FOXP2: variants seen among roughly 807,000 people sequenced by gnomAD.
The protein encoded by FOXP2 is forkhead box protein P2.
A neutral mutation model predicts 115.8 loss-of-function variants in FOXP2; 12 were observed. That is an observed-to-expected ratio of 0.10 (90% CI 0.07 to 0.17). FOXP2 has a LOEUF of 0.17. Among genes scored for constraint, FOXP2 ranks in the 10% least tolerant of loss-of-function variants. The pLI is 1.00. For synonymous variants in FOXP2, 328 were observed against 297.7 expected, an observed-to-expected ratio of 1.10 and a Z score of -1.05; for missense variants, 629 against 843.5, an observed-to-expected ratio of 0.75 and a Z score of 3.15.
At chr7:114,550,839 C>T (rs1173829037) in intron 3 of FOXP2, among the ~76,000 whole-genome samples, 1 of 152,028 alleles carries the variant, frequency 6.6e-6, no homozygotes, top group Non-Finnish European at 1.5e-5. Flanking sequence ...AACATCTGTT[C>T]TAAGAATAAT....
At chr7:114,657,292 A>T (rs1324578215) in intron 10 of FOXP2, among the ~76,000 whole-genome samples, 11 of 152,044 alleles carry the variant, frequency 7.2e-5, no homozygotes, top group Non-Finnish European at 1.5e-5. Flanking sequence ...TCTTTTTTCT[A>T]CCCTGACACC....
At chr7:114,682,395 T>G (rs1035166836) in intron 16 of FOXP2, among the ~76,000 whole-genome samples, 9 of 152,156 alleles carry the variant, frequency 5.9e-5, no homozygotes, top group Non-Finnish European at 1.2e-4. Context: ...TAAAAACCTG[T>G]AGATAATTCT....
At chr7:114,202,547 T>C (rs917290264) in intron 1 of FOXP2, among the ~76,000 whole-genome samples, 1 of 152,214 alleles carries the variant, frequency 6.6e-6, no homozygotes, top group Non-Finnish European at 1.5e-5. Flanking sequence ...TCAAGCTCTT[T>C]AGGCCTTAGC....
chr7:114,415,945 CA>C (rs1327321466), intron 1 of FOXP2, among the ~76,000 whole-genome samples: 1 of 151,882 alleles, frequency 6.6e-6, no homozygotes, highest in African/African-American at 2.4e-5. Context: ...GGGTCTTTTT[CA>C]AATCACTGAT....
intron 6 of FOXP2, among the ~76,000 whole-genome samples, chr7:114,633,590 C>A (rs1026081465): frequency 1.3e-5 from 2 of 152,012 alleles, no homozygotes; most frequent in African/African-American, 4.8e-5. Flanking sequence ...GTTGGTTCAC[C>A]GATCAAAGTT....
At chr7:114,225,822 T>C (rs926098658) in intron 1 of FOXP2, among the ~76,000 whole-genome samples, 1 of 152,206 alleles carries the variant, frequency 6.6e-6, no homozygotes, top group African/African-American at 2.4e-5. Context: ...TTATTCTTTT[T>C]TCCCACTAAG....
chr7:114,333,184 T>C (rs1285801880), intron 2 of FOXP2, among the ~76,000 whole-genome samples: 1 of 152,094 alleles, frequency 6.6e-6, no homozygotes, highest in Non-Finnish European at 1.5e-5. Context: ...ATAGTAATAA[T>C]GACAAATATT....
intron 1 of FOXP2, among the ~76,000 whole-genome samples, chr7:114,130,333 G>C (rs1244152300): frequency 6.6e-6 from 1 of 152,050 alleles, no homozygotes; most frequent in African/African-American, 2.4e-5. Flanking sequence ...TCTCACTCTA[G>C]AACATACCAG....
At chr7:114,218,874 T>G (rs1203264183) in intron 1 of FOXP2, among the ~76,000 whole-genome samples, 2 of 152,158 alleles carry the variant, frequency 1.3e-5, no homozygotes, top group South Asian at 2.1e-4. Flanking sequence ...CAATTACGTA[T>G]TATTATATCA....
At chr7:114,340,782 T>C (rs1463400686) in intron 2 of FOXP2, among the ~76,000 whole-genome samples, 1 of 151,160 alleles carries the variant, frequency 6.6e-6, no homozygotes, top group African/African-American at 2.4e-5. Context: ...AACACCACCC[T>C]AAGAATTAAA....
chr7:114,481,764 C>G (rs1004401526), intron 2 of FOXP2, among the ~76,000 whole-genome samples: 4 of 67,364 alleles, frequency 5.9e-5, no homozygotes, highest in African/African-American at 2.0e-4. Flanking sequence ...TATGGAAACT[C>G]TATCTATCTA....
intron 2 of FOXP2, among the ~76,000 whole-genome samples, chr7:114,432,308 A>G (rs1584727861): frequency 6.6e-6 from 1 of 152,014 alleles, no homozygotes; most frequent in Non-Finnish European, 1.5e-5. Context: ...TACAACATTC[A>G]GCTCATCAAG....
At chr7:114,369,780 T>C in intron 2 of FOXP2, among the ~76,000 whole-genome samples, 2 of 152,290 alleles carry the variant, frequency 1.3e-5, no homozygotes, top group Middle Eastern at 6.8e-3. Flanking sequence ...AATTTTATTA[T>C]ACTGATTATA....
chr7:114,325,804 G>A (rs938507503), intron 2 of FOXP2, among the ~76,000 whole-genome samples: 2 of 151,948 alleles, frequency 1.3e-5, no homozygotes, highest in Non-Finnish European at 2.9e-5. Flanking sequence ...CTAAATTAAA[G>A]GAGGCAACAT....
chr7:114,279,442 T>C (rs1796273105), intron 1 of FOXP2, among the ~76,000 whole-genome samples: 2 of 152,158 alleles, frequency 1.3e-5, no homozygotes, highest in Admixed American at 1.3e-4. Flanking sequence ...CAACTCCCAA[T>C]ATCCTATTTT....
At chr7:114,675,906 A>G (rs1472526860) in intron 16 of FOXP2, among the ~76,000 whole-genome samples, 1 of 147,634 alleles carries the variant, frequency 6.8e-6, no homozygotes, top group South Asian at 2.1e-4. Flanking sequence ...TTATTTTATT[A>G]TTATTATTAT....
chr7:114,210,416 C>T (rs1794314240), intron 1 of FOXP2, among the ~76,000 whole-genome samples: 1 of 152,098 alleles, frequency 6.6e-6, no homozygotes, highest in Admixed American at 6.6e-5. Flanking sequence ...CTGCAGTTTG[C>T]TGGGGGTTTG....
intron 2 of FOXP2, among the ~76,000 whole-genome samples, chr7:114,460,238 C>T (rs922510610): frequency 3.9e-5 from 6 of 152,072 alleles, no homozygotes; most frequent in Non-Finnish European, 8.8e-5. Context: ...GCTCAAAGAA[C>T]CCACAAGGTT....
chr7:114,593,241 G>GA (rs146369221), intron 3 of FOXP2, among the ~76,000 whole-genome samples: 9,831 of 150,102 alleles, frequency 0.065, 922 homozygotes, highest in African/African-American at 0.21. Flanking sequence ...TAAGCAAAAA[G>GA]AAAAAAAAAT....
Sources: allele counts gnomAD v4.1 joint callset (sites outside exome capture counted in the v4.1 genomes callset), GRCh38; gene constraint gnomAD v4.1.1; transcripts MANE v1.5; gene names NCBI Gene and HGNC (gene_info 2026-07-23, HGNC 2026-07-21).